NMBR: variants seen among roughly 807,000 people sequenced by gnomAD.
NMBR encodes the protein neuromedin-B receptor.
NMBR carries 16 observed loss-of-function variants against 20.5 expected under a neutral mutation model. The observed-to-expected ratio is 0.78, with a 90% confidence interval of 0.53 to 1.19. The LOEUF (loss-of-function observed/expected upper bound fraction) is 1.19, where lower values mean the gene tolerates loss of function less well. Ranked by LOEUF, NMBR falls within the 50% of genes most tolerant of loss-of-function variation. The probability of loss-of-function intolerance (pLI) is 0.00; values close to 1 mark genes in which losing one functional copy is unlikely to be tolerated. For synonymous variants in NMBR, 212 were observed against 196.6 expected, an observed-to-expected ratio of 1.08 and a Z score of -0.65; for missense variants, 582 against 499.1, an observed-to-expected ratio of 1.17 and a Z score of -1.58.
At chr6:142,078,972 A>G in intron 2 of NMBR, 69 bp from the exon 3 acceptor site, 2 of 1,108,572 alleles carry the variant, frequency 1.8e-6, no homozygotes, top group Non-Finnish European at 2.5e-6. Context: ...AAAAGAAAGA[A>G]AGAAAAAGAA....
chr6:142,078,329 G>A (rs1362003885), intron 3 of NMBR, among the ~76,000 whole-genome samples: 1 of 152,140 alleles, frequency 6.6e-6, no homozygotes, highest in Non-Finnish European at 1.5e-5. Context: ...GGAATGTCAG[G>A]CCTTATCACA....
At chr6:142,141,839 T>C (rs1179475823) in intron 1 of NMBR, among the ~76,000 whole-genome samples, 1 of 152,130 alleles carries the variant, frequency 6.6e-6, no homozygotes, top group Non-Finnish European at 1.5e-5. Flanking sequence ...ACAAATTAAA[T>C]AGAAGGATGC....
chr6:142,088,572 G>A lies in NMBR; in HGVS notation c.87C>T (p.Phe29=). ...GSVPEGWERD[F]LPASDGTTTE... ...TGGTGGTCCCGTCCGAGGCCGGCAG[G>A]AAATCCCTTTCCCACCCCTCGGGAA... Residue 29 remains phenylalanine, a synonymous_variant, in exon 2 of 4, where the codon TTC becomes TTT. Coordinates refer to ENST00000258042, the MANE Select transcript of NMBR (RefSeq NM_002511.4). 1 of 1,613,688 alleles carries A rather than the reference G, an allele frequency of 6.2e-7. No individual in the cohort carries two copies. Among genetic ancestry groups the A allele is most frequent in the Non-Finnish European group, 8.5e-7 (1 of 1,179,990 alleles).
At chr6:142,090,979 C>T (rs1242489718) in intron 1 of NMBR, among the ~76,000 whole-genome samples, 1 of 151,844 alleles carries the variant, frequency 6.6e-6, no homozygotes, top group Non-Finnish European at 1.5e-5. Context: ...AGAAACAAGC[C>T]ATCTGGATTG....
intron 1 of NMBR, among the ~76,000 whole-genome samples, chr6:142,123,701 G>T (rs1354256696): frequency 6.6e-6 from 1 of 151,830 alleles, no homozygotes; most frequent in Non-Finnish European, 1.5e-5. Flanking sequence ...CTCCCTAAAG[G>T]CTGGGGTGAT....
intron 1 of NMBR, among the ~76,000 whole-genome samples, chr6:142,144,381 C>T (rs1246053398): frequency 2.6e-5 from 4 of 152,210 alleles, no homozygotes; most frequent in Non-Finnish European, 4.4e-5. Context: ...GATGATCACA[C>T]ATACATGTGT....
At chr6:142,079,159 G>A (rs1384151424) in intron 2 of NMBR, among the ~76,000 whole-genome samples, 3 of 97,812 alleles carry the variant, frequency 3.1e-5, no homozygotes, top group Non-Finnish European at 6.0e-5. Context: ...AGAGAGGAGA[G>A]GAGAGGAAAG....
At chr6:142,099,250 C>T (rs769174925) in intron 1 of NMBR, among the ~76,000 whole-genome samples, 96 of 152,206 alleles carry the variant, frequency 6.3e-4, no homozygotes, top group Admixed American at 2.4e-3. Flanking sequence ...CTTGTGTATT[C>T]GTTCGTTTTC....
intron 1 of NMBR, among the ~76,000 whole-genome samples, chr6:142,121,229 G>A (rs1162910251): frequency 6.6e-6 from 1 of 151,736 alleles, no homozygotes; most frequent in African/African-American, 2.4e-5. Flanking sequence ...GTTTCCCCAC[G>A]TCTCTACATA....
chr6:142,100,434 C>T (rs1304694008), intron 1 of NMBR, among the ~76,000 whole-genome samples: 3 of 152,122 alleles, frequency 2.0e-5, no homozygotes, highest in Non-Finnish European at 4.4e-5. Flanking sequence ...ATATATTTTG[C>T]TGATTGAACT....
In NMBR at chr6:142,088,273, A is replaced by C. The variant is rs1777238346; in HGVS notation, c.386T>G (p.Val129Gly). ...GAGGGCAGTGAGAGTGAACACGGAA[A>C]CCCCCACGGAAGTGAGCTGGATGAC... The part of the protein sequence containing the change: ...IPVIQLTSVG[V>G]SVFTLTALSA... The change falls in exon 2 of 4, where the codon GTT (valine) becomes GGT (glycine). Residue 129 changes from valine to glycine, a missense_variant. Physicochemically the swap from Val to Gly is moderately radical, Grantham distance 109. Coordinates refer to ENST00000258042, the MANE Select transcript of NMBR (RefSeq NM_002511.4). The C allele has an allele frequency of 6.2e-7, 1 of 1,613,230 alleles. No individual in the cohort carries two copies. The highest frequency in any genetic ancestry group is 1.1e-5 in the South Asian group (1 of 91,054).
intron 1 of NMBR, among the ~76,000 whole-genome samples, chr6:142,114,860 T>G (rs916947540): frequency 2.0e-5 from 3 of 152,072 alleles, no homozygotes; most frequent in Non-Finnish European, 4.4e-5. Flanking sequence ...AGCAACACTA[T>G]GAACTCCATA....
At chr6:142,109,689 T>C (rs999053000) in intron 1 of NMBR, among the ~76,000 whole-genome samples, 6 of 152,130 alleles carry the variant, frequency 3.9e-5, no homozygotes, top group Non-Finnish European at 7.3e-5. Flanking sequence ...GATGAAATGC[T>C]ACGATCTGAA....
chr6:142,085,342 G>A (rs1204121570), intron 2 of NMBR, among the ~76,000 whole-genome samples: 1 of 152,124 alleles, frequency 6.6e-6, no homozygotes. Context: ...TGGCCAACAT[G>A]GTGAAACCCT....
At chr6:142,097,597 TG>T (rs1777481401) in intron 1 of NMBR, among the ~76,000 whole-genome samples, 1 of 152,222 alleles carries the variant, frequency 6.6e-6, no homozygotes, top group African/African-American at 2.4e-5. Flanking sequence ...TATTGTAAAC[TG>T]GGGGCTGTCT....
chr6:142,080,243 G>A (rs1029181537), intron 2 of NMBR, among the ~76,000 whole-genome samples: 1 of 143,578 alleles, frequency 7.0e-6, no homozygotes, highest in African/African-American at 2.6e-5. Context: ...AGTTTTTTAT[G>A]TTTTCAAATT....
chr6:142,134,718 T>C, intron 1 of NMBR: 1 of 690,400 alleles, frequency 1.4e-6, no homozygotes, highest in Non-Finnish European at 2.6e-6. Context: ...TTTACCTCTT[T>C]GGTTTCCAAG....
chr6:142,131,685 A>C (rs1237932736), intron 1 of NMBR, among the ~76,000 whole-genome samples: 1 of 152,148 alleles, frequency 6.6e-6, no homozygotes. Context: ...TTTATTACCC[A>C]ATTGGATCAG....
chr6:142,116,186 G>T (rs1466494358), intron 1 of NMBR, among the ~76,000 whole-genome samples: 5 of 151,782 alleles, frequency 3.3e-5, no homozygotes, highest in Non-Finnish European at 5.9e-5. Context: ...TTTGTAAATT[G>T]CCCAGTCTTG....
Sources: gnomAD v4.1 joint callset for allele counts (sites outside exome capture counted in the v4.1 genomes callset) on GRCh38, gnomAD v4.1.1 for gene constraint, MANE v1.5 for transcripts, NCBI Gene and HGNC (gene_info 2026-07-23, HGNC 2026-07-21) for gene names.